DCC: variants seen among roughly 807,000 people sequenced by gnomAD.
The protein encoded by DCC is DCC netrin 1 receptor.
A neutral mutation model predicts 172.5 loss-of-function variants in DCC; 58 were observed. The ratio of observed to expected loss-of-function variants is 0.34; its 90% confidence interval spans 0.27 to 0.42. The LOEUF is 0.42. Among genes scored for constraint, DCC ranks in the 10% least tolerant of loss-of-function variants. The pLI is 1.00. For missense variants in DCC, 1,740 were observed against 1,791.0 expected (o/e 0.97, Z 0.51); for synonymous variants, 709 against 644.5 (o/e 1.10, Z -1.52).
chr18:53,071,366 C>G (rs550250540), intron 7 of DCC, among the ~76,000 whole-genome samples: 95 of 152,180 alleles, frequency 6.2e-4, no homozygotes, highest in Middle Eastern at 3.4e-3. Context: ...AATGTATACA[C>G]GGTTTCCTCT....
At chr18:53,307,050 C>A (rs991175730) in intron 13 of DCC, among the ~76,000 whole-genome samples, 5 of 152,120 alleles carry the variant, frequency 3.3e-5, no homozygotes, top group African/African-American at 1.2e-4. Flanking sequence ...ACATTATAAG[C>A]TTCTTGTTCA....
chr18:52,597,733 C>A (rs922284032), intron 1 of DCC, among the ~76,000 whole-genome samples: 3 of 152,108 alleles, frequency 2.0e-5, no homozygotes, highest in African/African-American at 7.2e-5. Flanking sequence ...AATAATTGAT[C>A]TAGTAGAAAC....
intron 8 of DCC, among the ~76,000 whole-genome samples, chr18:53,160,917 C>A (rs796670185): frequency 6.6e-6 from 1 of 152,150 alleles, no homozygotes; most frequent in Non-Finnish European, 1.5e-5. Context: ...TGCCTGTACT[C>A]TTTAAAGCGA....
In DCC at chr18:52,536,605, C is replaced by T. The variant is rs576012793; in HGVS notation, c.91+195727C>T. On this transcript the variant is annotated intron_variant, in intron 1 of 28. Coordinates refer to ENST00000442544, the MANE Select transcript of DCC (RefSeq NM_005215.4). ...ATCCTAGATCTCTAAACAGGGCTCT[C>T]AATCTTCAAGAAAGGCAAGGCAAAA... Among the ~76,000 whole-genome samples, 4 of 152,154 alleles carry T rather than the reference C, an allele frequency of 2.6e-5. No individual in the cohort carries two copies. In the East Asian group the frequency reaches 5.8e-4, roughly 22 times the overall value.
intron 20 of DCC, among the ~76,000 whole-genome samples, chr18:53,411,010 G>A (rs980616810): frequency 2.0e-5 from 3 of 151,886 alleles, no homozygotes; most frequent in Admixed American, 2.0e-4. Flanking sequence ...GCCGACTTTA[G>A]GTATTTTCTT....
At chr18:53,213,386 A>T (rs1040189102) in intron 11 of DCC, among the ~76,000 whole-genome samples, 1 of 151,904 alleles carries the variant, frequency 6.6e-6, no homozygotes, top group Non-Finnish European at 1.5e-5. Flanking sequence ...GTAGTGGCTC[A>T]CTCCTGTAAT....
At chr18:52,554,008 T>C (rs2032845323) in intron 1 of DCC, among the ~76,000 whole-genome samples, 1 of 152,086 alleles carries the variant, frequency 6.6e-6, no homozygotes, top group African/African-American at 2.4e-5. Context: ...TTGAAAAAGT[T>C]ATTTACCTTC....
At position 52,403,095 on chromosome 18, in the gene DCC, T is replaced by C. The variant is rs562051912; in HGVS notation, c.91+62217T>C. On this transcript the variant is annotated intron_variant, in intron 1 of 28. Transcript: ENST00000442544. ...GGTGCAACGGTGAAAGTTTTGATGG[T>C]GGACAAAAAGCATTTGACTATTTGT... is the stretch of plus-strand genomic sequence containing the variant. Among the ~76,000 whole-genome samples, 84 of 152,110 alleles carry C rather than the reference T, an allele frequency of 5.5e-4. 1 individual carries two copies. Among genetic ancestry groups the C allele is most frequent in the African/African-American group, 2.0e-3 (82 of 41,522 alleles).
chr18:53,443,847 G>T (rs1387005715), intron 22 of DCC, among the ~76,000 whole-genome samples: 1 of 152,238 alleles, frequency 6.6e-6, no homozygotes, highest in African/African-American at 2.4e-5. Context: ...AGTGGAGGAA[G>T]TAAGTGTGAT....
At chr18:53,387,143 G>A (rs1388308622) in intron 16 of DCC, among the ~76,000 whole-genome samples, 1 of 152,110 alleles carries the variant, frequency 6.6e-6, no homozygotes, top group Non-Finnish European at 1.5e-5. Context: ...TGGAAGAAAT[G>A]GTTATAAAAT....
Position 53,460,056 on chromosome 18 carries a change from G to GAAA in DCC, c.3619+615_3619+617dup, listed in dbSNP as rs55871112. Reference sequence around the variant, plus strand: ...ACTATGTTGTTATACAAAGGGATCTGAAAAAAAAAAAAAAAAAAAGCCTAC... The same window carrying GAAA: ...ACTATGTTGTTATACAAAGGGATCTGAAAAAAAAAAAAAAAAAAAAAAGCCTAC... On this transcript the variant is annotated intron_variant, in intron 24 of 28. Transcript: ENST00000442544. Among the ~76,000 whole-genome samples, 128 of 75,970 alleles carry GAAA rather than the reference G, an allele frequency of 1.7e-3. 2 individuals carry two copies. The highest frequency in any genetic ancestry group is 5.8e-3 in the African/African-American group (119 of 20,660). 49.8% of individuals were successfully genotyped at this position (75,970 alleles called of 152,430 possible).
intron 21 of DCC, among the ~76,000 whole-genome samples, chr18:53,433,243 T>A (rs1911735331): frequency 6.6e-6 from 1 of 152,166 alleles, no homozygotes; most frequent in Admixed American, 6.5e-5. Context: ...ATGTAATCAA[T>A]AGCCTCACTA....
chr18:53,039,999 T>C (rs2042147287), intron 5 of DCC, among the ~76,000 whole-genome samples: 1 of 151,936 alleles, frequency 6.6e-6, no homozygotes, highest in South Asian at 2.1e-4. Flanking sequence ...TAATTTAAAC[T>C]GTATTGCCCT....
intron 12 of DCC, among the ~76,000 whole-genome samples, chr18:53,221,225 G>A (rs964599154): frequency 2.6e-5 from 4 of 151,940 alleles, no homozygotes; most frequent in Admixed American, 2.0e-4. Flanking sequence ...AATGTGGTAA[G>A]TACATTCACA....
intron 1 of DCC, among the ~76,000 whole-genome samples, chr18:52,707,886 A>T (rs2036235023): frequency 6.6e-6 from 1 of 152,198 alleles, no homozygotes; most frequent in Non-Finnish European, 1.5e-5. Flanking sequence ...GACATTGGTT[A>T]AAGTATACAA....
At chr18:52,957,933 T>G (rs1177282304) in intron 5 of DCC, among the ~76,000 whole-genome samples, 1 of 152,206 alleles carries the variant, frequency 6.6e-6, no homozygotes, top group East Asian at 1.9e-4. Flanking sequence ...TTTACATGAC[T>G]GTGCCTGCTT....
chr18:53,142,938 T>C (rs1051655310), intron 7 of DCC, among the ~76,000 whole-genome samples: 1 of 151,384 alleles, frequency 6.6e-6, no homozygotes, highest in Admixed American at 6.6e-5. Context: ...AGAGGATTGG[T>C]CAGGTATCTC....
intron 1 of DCC, among the ~76,000 whole-genome samples, chr18:52,556,816 C>T (rs1465387949): frequency 6.6e-6 from 1 of 152,006 alleles, no homozygotes; most frequent in Non-Finnish European, 1.5e-5. Context: ...TTGAGCAGCT[C>T]CCTCTGATCA....
chr18:52,783,354 T>A (rs2037590910), intron 2 of DCC, among the ~76,000 whole-genome samples: 1 of 73,170 alleles, frequency 1.4e-5, no homozygotes, highest in Non-Finnish European at 3.0e-5. Flanking sequence ...TTTTTTTTTT[T>A]TTTTTTTACA....
Sources: gnomAD v4.1 joint callset for allele counts (sites outside exome capture counted in the v4.1 genomes callset) on GRCh38, gnomAD v4.1.1 for gene constraint, MANE v1.5 for transcripts, NCBI Gene and HGNC (gene_info 2026-07-23, HGNC 2026-07-21) for gene names.